RPS6KB1: variants seen among roughly 807,000 people sequenced by gnomAD.
The protein encoded by RPS6KB1 is ribosomal protein S6 kinase beta-1.
In RPS6KB1, 12 loss-of-function variants were observed where a neutral mutation model predicts 70.2. The observed-to-expected ratio is 0.17, with a 90% CI of 0.11 to 0.28. The LOEUF (loss-of-function observed/expected upper bound fraction) is 0.28, where lower values mean the gene tolerates loss of function less well. Among genes scored for constraint, RPS6KB1 ranks in the 10% least tolerant of loss-of-function variants. The pLI is 1.00. For missense variants in RPS6KB1, 270 were observed against 646.6 expected (o/e 0.42, Z 6.32); for synonymous variants, 175 against 211.2 (o/e 0.83, Z 1.49).
chr17:59,947,463 C>T lies in RPS6KB1; in HGVS notation c.*675C>T, dbSNP rs1257634382. 2.2e-6 allele frequency: 3 copies of T among 1,364,030 alleles called. No homozygotes were observed. The highest frequency in any genetic ancestry group is 3.3e-5 in the Admixed American group (1 of 30,612). 84.5% of individuals were successfully genotyped at this position (1,364,030 alleles called of 1,614,324 possible). A position where few individuals can be genotyped will look rare whatever the true frequency, so the allele number is the denominator to read the frequency against. ...AAAATGCAAATGAATCATTGTTAAC[C>T]ACAGCTGTGGCTCGTTTGAGGGATT... On this transcript the variant is annotated 3_prime_UTR_variant, in exon 15 of 15. Transcript: ENST00000225577.
chr17:59,941,635 A>AT (rs1382781597), intron 13 of RPS6KB1, among the ~76,000 whole-genome samples: 2,055 of 134,330 alleles, frequency 0.015, 35 homozygotes, highest in African/African-American at 0.038. Context: ...TAAGTAGGGG[A>AT]TTTTTTTTTT....
Position 59,901,644 on chromosome 17 carries a change from AAAG to A in RPS6KB1, c.141+8322_141+8324del, listed in dbSNP as rs1427056629. The stretch of plus-strand genomic sequence containing the variant: ...GTCTCTGAAAAAAAAAAAAAAAAAA[AAAG>A]AAAAAAAAAGAAACAGAGTTTTGGC... On this transcript the variant is annotated intron_variant, in intron 1 of 14. Transcript: ENST00000225577. Among the ~76,000 whole-genome samples the A allele has an allele frequency of 1.1e-3, 162 of 149,902 alleles. 2 individuals carry two copies. Among genetic ancestry groups the A allele is most frequent in the African/African-American group, 3.0e-3 (122 of 40,496 alleles).
At chr17:59,944,789 A>AT (rs776064617) in intron 13 of RPS6KB1, among the ~76,000 whole-genome samples, 1 of 116,022 alleles carries the variant, frequency 8.6e-6, no homozygotes. Flanking sequence ...AGTATTTAAC[A>AT]TCTTTTTTTT....
intron 13 of RPS6KB1, among the ~76,000 whole-genome samples, chr17:59,942,079 T>C (rs946845899): frequency 4.6e-5 from 7 of 151,840 alleles, no homozygotes; most frequent in East Asian, 1.9e-4. Flanking sequence ...AGGATAGTTT[T>C]GATCTCCTGA....
rs762693376 is a variant in RPS6KB1, at chr17:59,931,650, T to C, written c.616T>C (p.Leu206=). 2.7e-5 allele frequency: 44 copies of C among 1,613,310 alleles called. No homozygotes were observed. Among genetic ancestry groups the C allele is most frequent in the Non-Finnish European group, 3.6e-5 (42 of 1,179,404 alleles). Residue 206 remains leucine, a synonymous_variant, in exon 7 of 15, where the codon TTG becomes CTG. Coordinates refer to ENST00000225577, the MANE Select transcript of RPS6KB1 (RefSeq NM_003161.4). ...CFYLAEISMA[L]GHLHQKGIIY... ...TTACTTGGCAGAAATCTCCATGGCT[T>C]TGGGGCATTTACATCAAAAGGGGAT...
intron 12 of RPS6KB1, among the ~76,000 whole-genome samples, chr17:59,937,372 G>A (rs1309889779): frequency 1.3e-5 from 2 of 152,020 alleles, no homozygotes; most frequent in African/African-American, 4.8e-5. Flanking sequence ...GTGTGCATTC[G>A]TTTGCTAGGC....
intron 1 of RPS6KB1, among the ~76,000 whole-genome samples, chr17:59,898,185 T>C (rs1418399033): frequency 6.6e-6 from 1 of 152,096 alleles, no homozygotes; most frequent in Admixed American, 6.6e-5. Context: ...CTCTATAGCA[T>C]TAAGAGTAGT....
At chr17:59,905,121 A>T (rs1272905474) in intron 1 of RPS6KB1, among the ~76,000 whole-genome samples, 1 of 151,978 alleles carries the variant, frequency 6.6e-6, no homozygotes, top group Admixed American at 6.6e-5. Context: ...GACTCAAAGC[A>T]ATCCTCCTAC....
intron 1 of RPS6KB1, chr17:59,894,021 T>C (rs983118940): frequency 2.5e-6 from 2 of 806,328 alleles, no homozygotes; most frequent in African/African-American, 3.7e-5. Flanking sequence ...TTTCCCCAAG[T>C]TGAAGATGTC....
At position 59,893,125 on chromosome 17, in the gene RPS6KB1, T is replaced by G; in HGVS notation, c.-60T>G. 1 of 1,581,554 alleles carries G rather than the reference T, an allele frequency of 6.3e-7. No individual in the cohort carries two copies. Among genetic ancestry groups the G allele is most frequent in the Non-Finnish European group, 8.6e-7 (1 of 1,164,252 alleles). On this transcript the variant is annotated 5_prime_UTR_variant, in exon 1 of 15. Transcript: ENST00000225577. The surrounding 1 kb of genome is among the most constrained non-coding windows in gnomAD (Gnocchi z 4.1). ...GTCTAAGGCCTAGGCGCAGACGCAC[T>G]GAGCCTAAGCAGCCGGTGATGGCGG...
intron 12 of RPS6KB1, among the ~76,000 whole-genome samples, chr17:59,937,985 G>T (rs1404448128): frequency 1.3e-5 from 2 of 152,016 alleles, no homozygotes; most frequent in East Asian, 3.9e-4. Flanking sequence ...TGGTCATGGA[G>T]CATAATGTCC....
intron 5 of RPS6KB1, among the ~76,000 whole-genome samples, chr17:59,929,646 C>T (rs564138134): frequency 6.6e-6 from 1 of 152,228 alleles, no homozygotes; most frequent in Admixed American, 6.5e-5. Flanking sequence ...TTTTGATACT[C>T]AAATTGTGCC....
intron 2 of RPS6KB1, 115 bp from the exon 3 acceptor site, chr17:59,912,569 A>G: frequency 9.7e-7 from 1 of 1,031,754 alleles, no homozygotes; most frequent in Admixed American, 2.6e-5. Context: ...GGTGTCATGT[A>G]CTTTTTTACT....
intron 4 of RPS6KB1, among the ~76,000 whole-genome samples, chr17:59,922,329 C>G: frequency 6.6e-6 from 1 of 151,992 alleles, no homozygotes; most frequent in Non-Finnish European, 1.5e-5. Flanking sequence ...ACTTGAGCCT[C>G]CGTTCCCGGC....
Position 59,934,671 on chromosome 17 carries a change from T to A in RPS6KB1, c.870+147T>A. On this transcript the variant is annotated intron_variant, in intron 9 of 14. Coordinates refer to ENST00000225577, the MANE Select transcript of RPS6KB1 (RefSeq NM_003161.4). This position sits in a 1 kb window ranked among gnomAD's most constrained non-coding sequence, Gnocchi z 4.8. Reference sequence around the variant, plus strand: ...ATTAGCAGTTTAACACTAATAATGCTGTATGATTATATGGGATCCCATACT... The same window carrying A: ...ATTAGCAGTTTAACACTAATAATGCAGTATGATTATATGGGATCCCATACT... 1.7e-6 allele frequency: 1 copy of A among 597,744 alleles called. No homozygotes were observed. The allele number at this position is 597,744 out of a possible 1,614,324, so 37.0% of individuals were successfully genotyped here. A position where few individuals can be genotyped will look rare whatever the true frequency, so the allele number is the denominator to read the frequency against.
chr17:59,905,862 C>T (rs2042235988), intron 1 of RPS6KB1, among the ~76,000 whole-genome samples: 1 of 151,920 alleles, frequency 6.6e-6, no homozygotes, highest in African/African-American at 2.4e-5. Flanking sequence ...TGCTCTGTTG[C>T]CCAGGCTGGA....
Position 59,948,842 on chromosome 17 carries a change from A to G in RPS6KB1, c.*2054A>G, listed in dbSNP as rs1289413690. ...CTGAAAAAACAGAACCCGAAAAGCT[A>G]TGGTGATATGTACAGGCATTATTTC... On this transcript the variant is annotated 3_prime_UTR_variant, in exon 15 of 15. Coordinates refer to ENST00000225577, the MANE Select transcript of RPS6KB1 (RefSeq NM_003161.4). The G allele has an allele frequency of 6.6e-6, 1 of 152,616 alleles. No individual in the cohort carries two copies. The highest frequency in any genetic ancestry group is 1.5e-5 in the Non-Finnish European group (1 of 68,022). The allele number at this position is 152,616 out of a possible 1,614,324, so 9.5% of individuals were successfully genotyped here. A position where few individuals can be genotyped will look rare whatever the true frequency, so the allele number is the denominator to read the frequency against.
intron 1 of RPS6KB1, among the ~76,000 whole-genome samples, chr17:59,899,657 C>A (rs1037965471): frequency 6.6e-6 from 1 of 152,150 alleles, no homozygotes; most frequent in African/African-American, 2.4e-5. Flanking sequence ...ACCATGACCA[C>A]CCCCATATCC....
At chr17:59,920,094 TC>T (rs1373571519) in intron 4 of RPS6KB1, among the ~76,000 whole-genome samples, 2 of 147,752 alleles carry the variant, frequency 1.4e-5, no homozygotes, top group Admixed American at 6.8e-5. Flanking sequence ...GATTCCACTG[TC>T]TTTTTTTTTT....
Sources: allele counts gnomAD v4.1 joint callset (sites outside exome capture counted in the v4.1 genomes callset), GRCh38; gene constraint gnomAD v4.1.1; non-coding constraint Gnocchi (gnomAD v3.1); transcripts MANE v1.5; gene names NCBI Gene and HGNC (gene_info 2026-07-23, HGNC 2026-07-21).